HTT-AS: variants seen among roughly 807,000 people sequenced by gnomAD.
HTT-AS encodes the protein HTT antisense RNA (head to head).
At chr4:3,055,934 T>C (rs1658160736) in intron 2 of HTT-AS, among the ~76,000 whole-genome samples, 1 of 152,206 alleles carries the variant, frequency 6.6e-6, no homozygotes, top group Non-Finnish European at 1.5e-5. Context: ...TCAAATCTAT[T>C]CCTGGACCCA....
At chr4:3,047,757 A>G (rs1012489756), downstream of HTT-AS, among the ~76,000 whole-genome samples, 2 of 152,178 alleles carry the variant, frequency 1.3e-5, no homozygotes, top group African/African-American at 2.4e-5. Context: ...AGGCCTGACC[A>G]TCTCCCTGTG....
chr4:3,061,233 T>C (rs998083598), intron 2 of HTT-AS, among the ~76,000 whole-genome samples: 1 of 152,192 alleles, frequency 6.6e-6, no homozygotes, highest in African/African-American at 2.4e-5. Flanking sequence ...TAGGGAGACA[T>C]GAGACGTCAA....
intron 2 of HTT-AS, among the ~76,000 whole-genome samples, chr4:3,057,308 C>T (rs1578465978): frequency 6.6e-6 from 1 of 152,206 alleles, no homozygotes; most frequent in Non-Finnish European, 1.5e-5. Flanking sequence ...GCTGGGATTA[C>T]AGGCGTGAGC....
downstream of HTT-AS, among the ~76,000 whole-genome samples, chr4:3,048,075 A>G (rs977889432): frequency 3.6e-4 from 54 of 152,058 alleles, no homozygotes; most frequent in Admixed American, 3.2e-3. Context: ...ATTCGGGGCC[A>G]CTACCAGTCT....
intron 2 of HTT-AS, among the ~76,000 whole-genome samples, chr4:3,059,658 C>T (rs1018819784): frequency 2.6e-5 from 4 of 151,934 alleles, no homozygotes; most frequent in African/African-American, 9.7e-5. Context: ...GGCCTGATCC[C>T]GGCCCACTGC....
intron 1 of HTT-AS, among the ~76,000 whole-genome samples, chr4:3,072,776 C>G (rs1262964774): frequency 2.6e-5 from 4 of 152,206 alleles, no homozygotes; most frequent in Admixed American, 2.6e-4. Flanking sequence ...TACAGGCATG[C>G]ACCACTACAC....
downstream of HTT-AS, among the ~76,000 whole-genome samples, chr4:3,047,657 G>A (rs970741338): frequency 6.6e-6 from 1 of 152,168 alleles, no homozygotes; most frequent in Non-Finnish European, 1.5e-5. Flanking sequence ...CTTTGGCCAG[G>A]GGAGAGGGGC....
chr4:3,073,739 C>T (rs1712264196), intron 1 of HTT-AS, among the ~76,000 whole-genome samples: 1 of 152,216 alleles, frequency 6.6e-6, no homozygotes, highest in Non-Finnish European at 1.5e-5. Context: ...GTGGGGGTCA[C>T]ACTTGGGGTC....
At chr4:3,065,714 C>T (rs1383358631) in intron 1 of HTT-AS, among the ~76,000 whole-genome samples, 6 of 152,240 alleles carry the variant, frequency 3.9e-5, no homozygotes, top group Admixed American at 1.3e-4. Context: ...CAAAATCACA[C>T]AGCAGCACAG....
intron 2 of HTT-AS, among the ~76,000 whole-genome samples, chr4:3,051,578 C>A (rs1711703694): frequency 6.6e-6 from 1 of 151,470 alleles, no homozygotes; most frequent in Admixed American, 6.6e-5. Flanking sequence ...TGGCACACAG[C>A]AAAAGGGTAA....
intron 1 of HTT-AS, among the ~76,000 whole-genome samples, chr4:3,068,909 C>T (rs1489884627): frequency 1.3e-5 from 2 of 151,894 alleles, no homozygotes; most frequent in East Asian, 3.9e-4. Context: ...CCTGCCTGGG[C>T]CTCCCAAAGT....
At chr4:3,074,509 C>T (rs1712341900) in exon 1 of HTT-AS, 1 of 273,876 alleles carries the variant, frequency 3.7e-6, no homozygotes, top group Non-Finnish European at 6.6e-6. Context: ...TGTCAGCGGC[C>T]TTGCTGTGTG....
At chr4:3,074,522 G>A in exon 1 of HTT-AS, 1 of 287,532 alleles carries the variant, frequency 3.5e-6, no homozygotes. Flanking sequence ...GCTGTGTGAG[G>A]CAGAACCTGC....
At chr4:3,056,655 T>C (rs972781348) in intron 2 of HTT-AS, among the ~76,000 whole-genome samples, 7 of 152,242 alleles carry the variant, frequency 4.6e-5, no homozygotes, top group Non-Finnish European at 5.9e-5. Flanking sequence ...AAACGTATTA[T>C]AATGCCCTGT....
intron 1 of HTT-AS, among the ~76,000 whole-genome samples, chr4:3,073,993 C>T (rs952511889): frequency 1.3e-5 from 2 of 151,302 alleles, no homozygotes; most frequent in Non-Finnish European, 1.5e-5. Context: ...TGCGCCCGCG[C>T]TCGGCGCCCC....
intron 1 of HTT-AS, among the ~76,000 whole-genome samples, chr4:3,068,260 T>C (rs1270335356): frequency 1.4e-4 from 19 of 139,882 alleles, no homozygotes; most frequent in Non-Finnish European, 2.3e-4. Context: ...GAGCCGAGAT[T>C]GTGCCACTGC....
chr4:3,054,633 T>C (rs1375622385), intron 2 of HTT-AS, among the ~76,000 whole-genome samples: 1 of 152,168 alleles, frequency 6.6e-6, no homozygotes, highest in Non-Finnish European at 1.5e-5. Context: ...TGTGTGAACA[T>C]ATTGACTAAA....
intron 2 of HTT-AS, among the ~76,000 whole-genome samples, chr4:3,058,346 G>C (rs990445583): frequency 6.6e-6 from 1 of 151,434 alleles, no homozygotes; most frequent in African/African-American, 2.4e-5. Context: ...AAAAAAAATA[G>C]AACATATAGG....
At chr4:3,074,132 C>G (rs1712309269) in intron 1 of HTT-AS, among the ~76,000 whole-genome samples, 1 of 134,258 alleles carries the variant, frequency 7.4e-6, no homozygotes, top group Non-Finnish European at 1.6e-5. Context: ...GCCTCCCCAC[C>G]CCTCACCGGC....
Sources: gnomAD v4.1 joint callset for allele counts (sites outside exome capture counted in the v4.1 genomes callset) on GRCh38, gnomAD v4.1.1 for gene constraint, MANE v1.5 for transcripts, NCBI Gene and HGNC (gene_info 2026-07-23, HGNC 2026-07-21) for gene names.